CFI: variants seen among roughly 807,000 people sequenced by gnomAD.
CFI encodes complement factor I, also known as C3B/C4B inactivator.
A neutral mutation model predicts 78.8 loss-of-function variants in CFI; 66 were observed. The observed-to-expected ratio is 0.84, with a 90% CI of 0.69 to 1.03. The LOEUF is 1.03. Among genes scored for constraint, CFI ranks in the 50% least tolerant of loss-of-function variants. The pLI, the probability that CFI is intolerant of heterozygous loss-of-function variation, is 0.00. For missense variants in CFI, 706 were observed against 704.5 expected (o/e 1.00, Z -0.02); for synonymous variants, 250 against 232.6 (o/e 1.07, Z -0.68).
chr4:109,749,630 T>G (rs1250101586), intron 8 of CFI, 28 bp from the exon 9 acceptor site: 6 of 1,438,966 alleles, frequency 4.2e-6, no homozygotes, highest in Non-Finnish European at 5.9e-6. Flanking sequence ...ATTACATCAT[T>G]ATTATCTTGA....
rs545749236 is a variant in CFI, at chr4:109,744,459, G to C, written c.1429+1763C>G. The stretch of plus-strand genomic sequence containing the variant: ...CTGACCTGTGGCCTCTGGTTCCCAG[G>C]TGGTTTTAGACAAAGAGGACCCTAG... On this transcript the variant is annotated intron_variant, in intron 11 of 12. Coordinates refer to ENST00000394634, the MANE Select transcript of CFI (RefSeq NM_000204.5). Among the ~76,000 whole-genome samples, 6 of 152,290 alleles carry C rather than the reference G, an allele frequency of 3.9e-5. No homozygotes were observed. In the East Asian group the frequency reaches 9.6e-4, roughly 24 times the overall value.
intron 1 of CFI, among the ~76,000 whole-genome samples, chr4:109,800,988 A>G (rs951812387): frequency 6.6e-6 from 1 of 152,230 alleles, no homozygotes; most frequent in African/African-American, 2.4e-5. Flanking sequence ...AGAAGTTACA[A>G]GAATCTTAAA....
chr4:109,734,783 A>G, the CFI span, among the ~76,000 whole-genome samples: 2 of 152,206 alleles, frequency 1.3e-5, no homozygotes, highest in Non-Finnish European at 1.5e-5. Context: ...CAGCCTGGGC[A>G]ACAGAGCAAC....
intron 7 of CFI, among the ~76,000 whole-genome samples, chr4:109,753,830 TATATAATGTATA>T (rs1725731740): frequency 3.2e-4 from 16 of 50,554 alleles, no homozygotes; most frequent in Admixed American, 7.0e-4. Context: ...TATTATATAT[TATATAATGTATA>T]ATCTTATATT....
chr4:109,776,095 G>A (rs146437852), intron 1 of CFI, among the ~76,000 whole-genome samples: 46 of 152,216 alleles, frequency 3.0e-4, no homozygotes, highest in African/African-American at 9.1e-4. Flanking sequence ...TGCCAGCAAC[G>A]GAACAAAGCT....
chr4:109,780,898 C>G (rs947707239), intron 1 of CFI, among the ~76,000 whole-genome samples: 3 of 152,076 alleles, frequency 2.0e-5, no homozygotes, highest in African/African-American at 7.2e-5. Context: ...ATCACAAGGA[C>G]AGAAAACCAA....
At chr4:109,756,905 GA>G in intron 7 of CFI, among the ~76,000 whole-genome samples, 1 of 56,484 alleles carries the variant, frequency 1.8e-5, no homozygotes, top group African/African-American at 6.4e-5. Flanking sequence ...AAGAAAGAAA[GA>G]AAGAAAGAAA....
chr4:109,784,387 T>C (rs1730488572), intron 1 of CFI, among the ~76,000 whole-genome samples: 1 of 152,040 alleles, frequency 6.6e-6, no homozygotes, highest in African/African-American at 2.4e-5. Flanking sequence ...GGGGTGATAG[T>C]TGGAGGAGGG....
At chr4:109,749,647 T>A in intron 8 of CFI, 45 bp from the exon 9 acceptor site, 1 of 1,246,010 alleles carries the variant, frequency 8.0e-7, no homozygotes, top group Non-Finnish European at 1.2e-6. Flanking sequence ...TTGAACCCAT[T>A]AGCGTTTTTA....
chr4:109,746,641 G>A (rs1273898222), intron 10 of CFI, 139 bp from the exon 11 acceptor site: 7 of 703,188 alleles, frequency 1.0e-5, no homozygotes, highest in South Asian at 2.1e-5. Context: ...CTGTCATGAA[G>A]CAATGAGATT....
chr4:109,797,321 T>C (rs541577327), intron 1 of CFI, among the ~76,000 whole-genome samples: 104 of 152,328 alleles, frequency 6.8e-4, no homozygotes, highest in Admixed American at 2.6e-3. Flanking sequence ...GAATATATAA[T>C]GGGTGAAGAA....
chr4:109,752,444 T>C, intron 8 of CFI, 24 bp downstream of exon 8: 7 of 1,611,966 alleles, frequency 4.3e-6, no homozygotes, highest in Non-Finnish European at 5.9e-6. Flanking sequence ...GAGCCACCAA[T>C]AAAAAAGTAT....
intron 1 of CFI, among the ~76,000 whole-genome samples, chr4:109,787,506 T>G (rs1240262325): frequency 2.0e-5 from 3 of 152,026 alleles, no homozygotes; most frequent in African/African-American, 7.2e-5. Context: ...ACCATTCTAT[T>G]CAGATTAAAA....
downstream of CFI, chr4:109,740,623 G>C (rs914418108): frequency 4.5e-6 from 2 of 446,476 alleles, no homozygotes; most frequent in African/African-American, 2.0e-5. Flanking sequence ...TATTCAATTA[G>C]TTGTAACTTC....
intron 1 of CFI, among the ~76,000 whole-genome samples, chr4:109,778,667 A>G (rs1729594830): frequency 6.6e-6 from 1 of 152,200 alleles, no homozygotes; most frequent in South Asian, 2.1e-4. Flanking sequence ...AGCCTGGCAG[A>G]GACACAACAA....
Position 109,761,604 on chromosome 4 carries a change from T to A in CFI, c.571A>T (p.Thr191Ser), listed in dbSNP as rs1727067349. ...GTAAAAGTACATTCAGCCAAACTGGTCTCTAATCCTCGGCAATGCACATGT... is the reference window on the plus strand; with the variant it reads ...GTAAAAGTACATTCAGCCAAACTGGACTCTAATCCTCGGCAATGCACATGT... ...CLHVHCRGLE[T>S]SLAECTFTKR... The change falls in exon 4 of 13, where the codon ACC becomes TCC. Residue 191 changes from threonine (T) to serine (S), a missense_variant. Transcript: ENST00000394634. 1.9e-6 allele frequency: 3 copies of A among 1,613,852 alleles called. No individual in the cohort carries two copies. The highest frequency in any genetic ancestry group is 2.5e-6 in the Non-Finnish European group (3 of 1,179,792).
At position 109,761,490 on chromosome 4, in the gene CFI, A is replaced by G. The variant is rs750556486; in HGVS notation, c.658+27T>C. The G allele has an allele frequency of 1.9e-6, 3 of 1,611,364 alleles. No individual in the cohort carries two copies. In the South Asian group the frequency reaches 3.3e-5, roughly 18 times the overall value. On this transcript the variant is annotated intron_variant, in intron 4 of 12. Transcript: ENST00000394634. ...AAAATAAACAACCTTCAAGGAAGGG[A>G]AAATAACAGGCAAATACTCCACCAA... is the stretch of plus-strand genomic sequence containing the variant.
At chr4:109,765,924 C>G (rs896175665) in intron 2 of CFI, among the ~76,000 whole-genome samples, 7 of 152,130 alleles carry the variant, frequency 4.6e-5, no homozygotes, top group Non-Finnish European at 7.4e-5. Context: ...CGAGACCATC[C>G]TGGCTAACAC....
intron 10 of CFI, among the ~76,000 whole-genome samples, chr4:109,748,096 T>C (rs1455903125): frequency 2.0e-5 from 3 of 152,152 alleles, no homozygotes; most frequent in Non-Finnish European, 4.4e-5. Context: ...GAACAGAATT[T>C]ATCTTTACAT....
Sources: allele counts gnomAD v4.1 joint callset (sites outside exome capture counted in the v4.1 genomes callset), GRCh38; gene constraint gnomAD v4.1.1; transcripts MANE v1.5; gene names NCBI Gene and HGNC (gene_info 2026-07-23, HGNC 2026-07-21).